Variants in ITGB5 observed in about 807,000 individuals in gnomAD.
ITGB5 encodes integrin subunit beta 5, also known as integrin beta-5.
In ITGB5, 38 loss-of-function variants were observed where a neutral mutation model predicts 84.8. The ratio of observed to expected loss-of-function variants is 0.45; its 90% CI spans 0.35 to 0.59. The LOEUF (loss-of-function observed/expected upper bound fraction) is 0.59, where lower values mean the gene tolerates loss of function less well. Ranked by LOEUF, ITGB5 falls within the 20% of genes least tolerant of loss-of-function variation. The pLI is 0.01. For synonymous variants in ITGB5, 393 were observed against 414.4 expected (o/e 0.95, Z 0.63); for missense variants, 905 against 1,034.5 (o/e 0.87, Z 1.72).
intron 4 of ITGB5, among the ~76,000 whole-genome samples, chr3:124,845,569 T>A (rs1342701546): frequency 6.6e-6 from 1 of 152,242 alleles, no homozygotes; most frequent in Non-Finnish European, 1.5e-5. Context: ...GTACTCACTG[T>A]CAGGAGTTTT....
At chr3:124,844,644 G>A (rs1162583504) in intron 4 of ITGB5, among the ~76,000 whole-genome samples, 2 of 152,194 alleles carry the variant, frequency 1.3e-5, no homozygotes, top group African/African-American at 4.8e-5. Flanking sequence ...CTACAGGCTT[G>A]GAGCAGGGTC....
intron 10 of ITGB5, among the ~76,000 whole-genome samples, chr3:124,774,577 T>C (rs2063895457): frequency 6.6e-6 from 1 of 152,212 alleles, no homozygotes; most frequent in Non-Finnish European, 1.5e-5. Context: ...GACACCTCCA[T>C]GTTAGCCCAG....
In ITGB5 at chr3:124,763,658, TGTTGAA is replaced by T; in HGVS notation, c.2359_2364del (p.Phe787_Asn788del). The T allele has an allele frequency of 6.2e-7, 1 of 1,607,726 alleles. No individual in the cohort carries two copies. The highest frequency in any genetic ancestry group is 1.7e-4 in the Middle Eastern group (1 of 6,060). Reference sequence around the variant, plus strand: ...GTGCCATTGTAGGATTTGTTGAACTTGTTGAAGGTGAAGTCCACAGTGTGCGTGGAG... The same window carrying T: ...GTGCCATTGTAGGATTTGTTGAACTTGGTGAAGTCCACAGTGTGCGTGGAG... On this transcript the variant is annotated inframe_deletion, in exon 15 of 15. Transcript: ENST00000296181.
In ITGB5 at chr3:124,819,791, T is replaced by C. The variant is rs777677966; in HGVS notation, c.986A>G (p.Asn329Ser). 1 of 1,614,152 alleles carries C rather than the reference T, an allele frequency of 6.2e-7. No homozygotes were observed. Among genetic ancestry groups the C allele is most frequent in the South Asian group, 1.1e-5 (1 of 91,090 alleles). The change falls in exon 7 of 15, where the codon AAC (asparagine) becomes AGC (serine). Residue 329 changes from asparagine (N) to serine (S), a missense_variant. Physicochemically the swap from Asn to Ser is conservative, Grantham distance 46. Coordinates refer to ENST00000296181, the MANE Select transcript of ITGB5 (RefSeq NM_002213.5). Reference sequence around the variant, plus strand: ...CACTGCAAAGATGAGGTTGATGTTGTTCTCTGCCAATTTCTCTCCAAGCAA... The same window carrying C: ...CACTGCAAAGATGAGGTTGATGTTGCTCTCTGCCAATTTCTCTCCAAGCAA... The part of the protein sequence containing the change: ...LALLGEKLAE[N>S]NINLIFAVTK...
chr3:124,878,800 T>G (rs1207295924), intron 1 of ITGB5: 1 of 152,198 alleles, frequency 6.6e-6, no homozygotes, highest in Non-Finnish European at 1.5e-5. Context: ...ATAAGCATTT[T>G]GAAAAGGAAG....
At chr3:124,866,397 C>T (rs1001592649) in intron 2 of ITGB5, among the ~76,000 whole-genome samples, 8 of 152,206 alleles carry the variant, frequency 5.3e-5, no homozygotes, top group Non-Finnish European at 1.2e-4. Context: ...CTATGCCAGA[C>T]CAGACATTAC....
intron 11 of ITGB5, among the ~76,000 whole-genome samples, chr3:124,771,448 C>G (rs2063842694): frequency 6.6e-6 from 1 of 152,026 alleles, no homozygotes; most frequent in South Asian, 2.1e-4. Context: ...GGCCCAGAGA[C>G]AAATAAGAAG....
At chr3:124,876,454 C>A (rs1322306753) in intron 1 of ITGB5, among the ~76,000 whole-genome samples, 1 of 152,032 alleles carries the variant, frequency 6.6e-6, no homozygotes, top group Non-Finnish European at 1.5e-5. Flanking sequence ...AGTAAAAACT[C>A]ACAGAAATCG....
chr3:124,875,293 C>G (rs770544520), intron 1 of ITGB5, among the ~76,000 whole-genome samples: 6 of 152,040 alleles, frequency 3.9e-5, no homozygotes, highest in Non-Finnish European at 7.4e-5. Context: ...GCCTGGGCAA[C>G]ATGGTGAAAC....
chr3:124,828,218 T>G lies in ITGB5; in HGVS notation c.781-6744A>C, dbSNP rs139629505. On this transcript the variant is annotated intron_variant, in intron 5 of 14. Coordinates refer to ENST00000296181, the MANE Select transcript of ITGB5 (RefSeq NM_002213.5). ...GACCCAAGGGAAATGAAAGCATACG[T>G]CCATACAAAGACATGAACATGAACA... is the stretch of plus-strand genomic sequence containing the variant. 3.6e-3 allele frequency among the ~76,000 whole-genome samples: 545 copies of G among 152,236 alleles called. 4 individuals are homozygous for G. The highest frequency in any genetic ancestry group is 0.012 in the African/African-American group (486 of 41,532).
chr3:124,874,418 A>G (rs111730575), intron 1 of ITGB5, among the ~76,000 whole-genome samples: 7 of 152,290 alleles, frequency 4.6e-5, no homozygotes, highest in African/African-American at 1.7e-4. Flanking sequence ...CAAAATGTCC[A>G]TGCTATCCAG....
chr3:124,795,242 A>C (rs2064205218), intron 10 of ITGB5, among the ~76,000 whole-genome samples: 1 of 133,558 alleles, frequency 7.5e-6, no homozygotes, highest in African/African-American at 3.4e-5. Context: ...CTATAATCCC[A>C]GTACTTTGGG....
chr3:124,829,656 C>T (rs913197609), intron 5 of ITGB5, among the ~76,000 whole-genome samples: 22 of 152,312 alleles, frequency 1.4e-4, no homozygotes, highest in African/African-American at 2.6e-4. Context: ...CTCCCAGCCT[C>T]GCTCTGATCT....
intron 9 of ITGB5, among the ~76,000 whole-genome samples, chr3:124,806,705 G>A (rs991416835): frequency 6.6e-6 from 1 of 151,662 alleles, no homozygotes; most frequent in Non-Finnish European, 1.5e-5. Context: ...CCAAAGTGCT[G>A]GGATTACAGG....
rs990666807 is a variant in ITGB5 at position 124,895,783 on chromosome 3, C to T, written c.-255+5483G>A. On this transcript the variant is annotated intron_variant, in intron 1 of 4. Transcript: ENST00000608657. ...TAGCTGATGCCCCTTTTGTAGAATACGGCCCCTCATATTCAATTGCTGGTG... is the reference window on the plus strand; with the variant it reads ...TAGCTGATGCCCCTTTTGTAGAATATGGCCCCTCATATTCAATTGCTGGTG... 7.2e-5 allele frequency among the ~76,000 whole-genome samples: 11 copies of T among 152,308 alleles called. No homozygotes were observed. The East Asian group carries it at 7.7e-4, about 11-fold the overall frequency.
intron 10 of ITGB5, chr3:124,781,159 G>T (rs1017977070): frequency 1.3e-5 from 2 of 152,148 alleles, no homozygotes; most frequent in African/African-American, 2.4e-5. Context: ...TCACATGCTG[G>T]GCCAACCACA....
At chr3:124,817,791 G>A in intron 7 of ITGB5, 81 bp from the exon 8 acceptor site, 1 of 750,176 alleles carries the variant, frequency 1.3e-6, no homozygotes, top group East Asian at 2.7e-5. Context: ...TACTGGGCTA[G>A]AACAGTAAAG....
intron 9 of ITGB5, among the ~76,000 whole-genome samples, chr3:124,806,620 G>A (rs1017491924): frequency 3.3e-5 from 5 of 151,368 alleles, no homozygotes; most frequent in Admixed American, 6.6e-5. Context: ...GTATTTTTTA[G>A]TAGAGACGGG....
chr3:124,850,453 CCT>C (rs1425538976), intron 3 of ITGB5, among the ~76,000 whole-genome samples: 1 of 148,420 alleles, frequency 6.7e-6, no homozygotes, highest in African/African-American at 2.5e-5. Context: ...GCCTGCTTCC[CCT>C]GACTTGTCTT....
Sources: gnomAD v4.1 joint callset for allele counts (sites outside exome capture counted in the v4.1 genomes callset) on GRCh38, gnomAD v4.1.1 for gene constraint, MANE v1.5 for transcripts, NCBI Gene and HGNC (gene_info 2026-07-23, HGNC 2026-07-21) for gene names.